Variants in ABCB5 observed in about 807,000 individuals in gnomAD.
The protein encoded by ABCB5 is ATP binding cassette subfamily B member 5.
In ABCB5, 155 loss-of-function variants were observed where a neutral mutation model predicts 144.2. That is an observed-to-expected ratio of 1.08 (90% confidence interval 0.94 to 1.23). The LOEUF is 1.23. Among genes scored for constraint, ABCB5 ranks in the 50% most tolerant of loss-of-function variants. ABCB5 has a pLI of 0.00. For synonymous variants in ABCB5, 610 were observed against 528.6 expected, an observed-to-expected ratio of 1.15 and a Z score of -2.11; for missense variants, 1,830 against 1,520.8, an observed-to-expected ratio of 1.20 and a Z score of -3.38.
At chr7:20,669,127 C>T (rs535022986) in intron 14 of ABCB5, among the ~76,000 whole-genome samples, 1 of 151,056 alleles carries the variant, frequency 6.6e-6, no homozygotes, top group South Asian at 2.1e-4. Flanking sequence ...CCCACCCGGC[C>T]AGCTGCCCCA....
chr7:20,733,178 C>A (rs138940993), intron 23 of ABCB5, among the ~76,000 whole-genome samples: 5 of 150,734 alleles, frequency 3.3e-5, no homozygotes, highest in Non-Finnish European at 5.9e-5. Flanking sequence ...GTTTACTCAA[C>A]GTACATTATT....
At position 20,650,058 on chromosome 7, in the gene ABCB5, GAGAC is replaced by G; in HGVS notation, c.1246_1249del (p.Thr416SerfsTer14). The stretch of plus-strand genomic sequence containing the variant: ...TCTGAATCTCAGAATTAAGTCTGGA[GAGAC>G]AGTCGCCTTGGTCGGTCTCAATGGC... On this transcript the variant is annotated frameshift_variant, in exon 12 of 28. Coordinates refer to ENST00000404938, the MANE Select transcript of ABCB5 (RefSeq NM_001163941.2). LOFTEE classifies it high-confidence loss of function. 1 of 1,613,488 alleles carries G rather than the reference GAGAC, an allele frequency of 6.2e-7. No homozygotes were observed. The highest frequency in any genetic ancestry group is 8.5e-7 in the Non-Finnish European group (1 of 1,179,632).
At chr7:20,726,867 T>C (rs866659422) in intron 21 of ABCB5, among the ~76,000 whole-genome samples, 173 bp from the exon 22 acceptor site, 2 of 152,220 alleles carry the variant, frequency 1.3e-5, no homozygotes, top group Non-Finnish European at 2.9e-5. Flanking sequence ...TCCAAAAGTG[T>C]CATTTTTCTA....
In ABCB5 at chr7:20,727,216, G is replaced by A. The variant is rs918440161; in HGVS notation, c.2726+76G>A. 3.1e-5 allele frequency: 30 copies of A among 969,536 alleles called. No individual in the cohort carries two copies. The African/African-American group carries it at 4.3e-4, about 14-fold the overall frequency. 60.1% of individuals were successfully genotyped at this position (969,536 alleles called of 1,614,324 possible). ...GCAGTACTCTCAAATGACTCCAGTG[G>A]TTTGCCTGCTAATTCATTTGCTCTT... On this transcript the variant is annotated intron_variant, in intron 22 of 27. Coordinates refer to ENST00000404938, the MANE Select transcript of ABCB5 (RefSeq NM_001163941.2).
intron 23 of ABCB5, among the ~76,000 whole-genome samples, chr7:20,733,830 A>G (rs2128053019): frequency 1.3e-5 from 2 of 152,072 alleles, no homozygotes; most frequent in East Asian, 3.9e-4. Flanking sequence ...GGTGGAGACC[A>G]GATTTCACCA....
Position 20,693,140 on chromosome 7 carries a change from T to C in ABCB5, c.2011-5267T>C, listed in dbSNP as rs114741072. 7.0e-3 allele frequency among the ~76,000 whole-genome samples: 1,071 copies of C among 152,084 alleles called. 10 individuals are homozygous for C. The highest frequency in any genetic ancestry group is 0.025 in the African/African-American group (1,020 of 41,498). On this transcript the variant is annotated intron_variant, in intron 16 of 27. Coordinates refer to ENST00000404938, the MANE Select transcript of ABCB5 (RefSeq NM_001163941.2). Reference sequence around the variant, plus strand: ...TTCTGGACTATAACACAAGTCTCAATAAACTTTTAAAAATTCACATAATAC... The same window carrying C: ...TTCTGGACTATAACACAAGTCTCAACAAACTTTTAAAAATTCACATAATAC...
intron 1 of ABCB5, among the ~76,000 whole-genome samples, chr7:20,616,366 T>C (rs1783685313): frequency 6.6e-6 from 1 of 152,166 alleles, no homozygotes; most frequent in African/African-American, 2.4e-5. Flanking sequence ...AAAGATCCCA[T>C]GTTTTCCATC....
At chr7:20,617,776 A>G (rs1276709726) in intron 1 of ABCB5, among the ~76,000 whole-genome samples, 1 of 152,222 alleles carries the variant, frequency 6.6e-6, no homozygotes, top group Non-Finnish European at 1.5e-5. Context: ...AAAAAGAGAT[A>G]ATCCTGCAAA....
chr7:20,636,782 CAAA>C (rs35824075), intron 5 of ABCB5, among the ~76,000 whole-genome samples: 837 of 74,226 alleles, frequency 0.011, 3 homozygotes, highest in African/African-American at 0.032. Context: ...AAGACTCCAT[CAAA>C]AAAAAAAAAA....
intron 14 of ABCB5, among the ~76,000 whole-genome samples, chr7:20,676,208 A>G (rs1785601933): frequency 6.7e-6 from 1 of 150,038 alleles, no homozygotes; most frequent in Admixed American, 6.6e-5. Flanking sequence ...ACATATGTAT[A>G]AGAATACGCA....
At chr7:20,628,487 T>C (rs573616547) in intron 3 of ABCB5, among the ~76,000 whole-genome samples, 2 of 152,168 alleles carry the variant, frequency 1.3e-5, no homozygotes, top group Non-Finnish European at 2.9e-5. Context: ...TTAAAGGAGA[T>C]GGTAAATTCT....
intron 23 of ABCB5, among the ~76,000 whole-genome samples, chr7:20,732,609 A>G (rs1782258809): frequency 6.6e-6 from 1 of 152,174 alleles, no homozygotes; most frequent in African/African-American, 2.4e-5. Context: ...GTGCCTTCGG[A>G]GTCACCTTCA....
chr7:20,723,463 A>G (rs1781938492), intron 21 of ABCB5, among the ~76,000 whole-genome samples: 1 of 152,210 alleles, frequency 6.6e-6, no homozygotes, highest in Non-Finnish European at 1.5e-5. Flanking sequence ...TAATTAGCTG[A>G]GTTAGAATCC....
At chr7:20,655,973 C>T (rs1784776768) in intron 13 of ABCB5, among the ~76,000 whole-genome samples, 1 of 152,058 alleles carries the variant, frequency 6.6e-6, no homozygotes, top group Non-Finnish European at 1.5e-5. Flanking sequence ...AACAGAGAGA[C>T]CAGAAATAGA....
intron 5 of ABCB5, among the ~76,000 whole-genome samples, chr7:20,633,046 C>A (rs943790312): frequency 1.1e-4 from 16 of 149,072 alleles, no homozygotes; most frequent in African/African-American, 3.5e-4. Context: ...AAAGAAAATT[C>A]TATTTCTTTA....
rs113064353 is a variant in ABCB5 at position 20,670,856 on chromosome 7, C to A, written c.1708-10649C>A. 4.7e-3 allele frequency among the ~76,000 whole-genome samples: 716 copies of A among 152,250 alleles called. 10 individuals carry two copies. Among genetic ancestry groups the A allele is most frequent in the African/African-American group, 0.016 (676 of 41,552 alleles). ...CCTGGGAGGCGGAGGTTGCAGTGAGCCGAGATCGTGCCATTGCACTCCAGC... is the reference window on the plus strand; with the variant it reads ...CCTGGGAGGCGGAGGTTGCAGTGAGACGAGATCGTGCCATTGCACTCCAGC... On this transcript the variant is annotated intron_variant, in intron 14 of 27. Transcript: ENST00000404938.
At chr7:20,631,554 A>G (rs191405859) in intron 4 of ABCB5, among the ~76,000 whole-genome samples, 29 of 152,314 alleles carry the variant, frequency 1.9e-4, no homozygotes, top group African/African-American at 7.0e-4. Context: ...GATATATAGA[A>G]AAGTTTACAG....
At chr7:20,620,396 G>C (rs886319027) in intron 1 of ABCB5, among the ~76,000 whole-genome samples, 2 of 151,952 alleles carry the variant, frequency 1.3e-5, no homozygotes, top group African/African-American at 4.8e-5. Context: ...TAAAAACGTA[G>C]ATAATTTTTT....
rs745541312 is a variant in ABCB5, at chr7:20,755,513, T to C, written c.3663T>C (p.Asp1221=). Residue 1221 remains aspartate, a synonymous_variant, in exon 28 of 28, where the codon GAT becomes GAC. Transcript: ENST00000404938. ...THRLSAIQNA[D]LIVVLHNGKI... The stretch of plus-strand genomic sequence containing the variant: ...GGCTCTCTGCAATTCAGAACGCAGA[T>C]TTGATAGTGGTTCTGCACAATGGAA... 5 of 1,614,156 alleles carry C rather than the reference T, an allele frequency of 3.1e-6. No homozygotes were observed. Among genetic ancestry groups the C allele is most frequent in the Non-Finnish European group, 4.2e-6 (5 of 1,180,040 alleles).
Sources: allele counts gnomAD v4.1 joint callset (sites outside exome capture counted in the v4.1 genomes callset), GRCh38; gene constraint gnomAD v4.1.1; transcripts MANE v1.5; gene names NCBI Gene and HGNC (gene_info 2026-07-23, HGNC 2026-07-21).